The following PRKAR2B variants were observed in gnomAD, a reference collection of about 807,000 sequenced individuals.
PRKAR2B encodes protein kinase cAMP-dependent type II regulatory subunit beta.
Under a neutral mutation model 49.9 loss-of-function variants are expected in PRKAR2B, and 14 were observed. The observed-to-expected ratio is 0.28, with a 90% CI of 0.19 to 0.44. The LOEUF is 0.44. Ranked by LOEUF, PRKAR2B falls within the 20% of genes least tolerant of loss-of-function variation. The pLI, the probability that PRKAR2B is intolerant of heterozygous loss-of-function variation, is 1.00. For synonymous variants in PRKAR2B, 196 were observed against 197.7 expected (o/e 0.99, Z 0.07); for missense variants, 393 against 537.9 (o/e 0.73, Z 2.67).
At chr7:107,118,912 GTGAAAC>G (rs1480185716) in intron 2 of PRKAR2B, among the ~76,000 whole-genome samples, 2 of 152,142 alleles carry the variant, frequency 1.3e-5, no homozygotes, top group African/African-American at 4.8e-5. Flanking sequence ...TTCTAATGTA[GTGAAAC>G]AATTGCAACA....
chr7:107,146,994 T>C (rs919102291), intron 6 of PRKAR2B, among the ~76,000 whole-genome samples: 1 of 152,154 alleles, frequency 6.6e-6, no homozygotes, highest in African/African-American at 2.4e-5. Flanking sequence ...GATTGGTAAC[T>C]ACTCTGCATT....
At chr7:107,060,831 A>T (rs1275343331) in intron 1 of PRKAR2B, among the ~76,000 whole-genome samples, 2 of 152,096 alleles carry the variant, frequency 1.3e-5, no homozygotes, top group African/African-American at 4.8e-5. Flanking sequence ...TAAGGATTTC[A>T]TCACTAACCC....
At chr7:107,125,156 T>C (rs1795461701) in intron 3 of PRKAR2B, among the ~76,000 whole-genome samples, 1 of 152,196 alleles carries the variant, frequency 6.6e-6, no homozygotes, top group Admixed American at 6.5e-5. Context: ...CAGCTTTGCC[T>C]GCAGGTGTAG....
intron 2 of PRKAR2B, among the ~76,000 whole-genome samples, chr7:107,071,830 C>G (rs1460745013): frequency 6.6e-6 from 1 of 152,114 alleles, no homozygotes; most frequent in Non-Finnish European, 1.5e-5. Flanking sequence ...CTTTGGGAGG[C>G]TGAGGCGGGC....
intron 1 of PRKAR2B, among the ~76,000 whole-genome samples, chr7:107,069,278 A>G (rs1794216490): frequency 6.6e-6 from 1 of 152,218 alleles, no homozygotes; most frequent in African/African-American, 2.4e-5. Flanking sequence ...GGATTAATGC[A>G]CTACACATCT....
chr7:107,156,499 T>C (rs1349639837), intron 8 of PRKAR2B, among the ~76,000 whole-genome samples: 1 of 151,826 alleles, frequency 6.6e-6, no homozygotes, highest in African/African-American at 2.4e-5. Context: ...ACTACATAAT[T>C]GTCCATCAAA....
At position 107,160,845 on chromosome 7, in the gene PRKAR2B, G is replaced by A. The variant is rs1796186079; in HGVS notation, c.*1263G>A. 1 of 152,150 alleles carries A rather than the reference G, an allele frequency of 6.6e-6. No homozygotes were observed. Among genetic ancestry groups the A allele is most frequent in the Non-Finnish European group, 1.5e-5 (1 of 68,016 alleles). The allele number at this position is 152,150 out of a possible 1,614,324, so 9.4% of individuals were successfully genotyped here. A position where few individuals can be genotyped will look rare whatever the true frequency, so the allele number is the denominator to read the frequency against. On this transcript the variant is annotated 3_prime_UTR_variant, in exon 11 of 11. Coordinates refer to ENST00000265717, the MANE Select transcript of PRKAR2B (RefSeq NM_002736.3). ...TTTTCATTGTTCATTGATATGCTCA[G>A]TATGCTGCCACATAAGATGAATTTA... is the stretch of plus-strand genomic sequence containing the variant.
chr7:107,056,193 G>A (rs1489453865), intron 1 of PRKAR2B, among the ~76,000 whole-genome samples: 2 of 152,188 alleles, frequency 1.3e-5, no homozygotes, highest in South Asian at 2.1e-4. Context: ...TGTGGTACCA[G>A]TACCATGCTG....
At position 107,161,041 on chromosome 7, in the gene PRKAR2B, A is replaced by C. The variant is rs1441791299; in HGVS notation, c.*1459A>C. The C allele has an allele frequency of 6.6e-6, 1 of 152,230 alleles. No individual in the cohort carries two copies. Among genetic ancestry groups the C allele is most frequent in the Non-Finnish European group, 1.5e-5 (1 of 68,036 alleles). The allele number at this position is 152,230 out of a possible 1,614,324, so 9.4% of individuals were successfully genotyped here. A position where few individuals can be genotyped will look rare whatever the true frequency, so the allele number is the denominator to read the frequency against. On this transcript the variant is annotated 3_prime_UTR_variant, in exon 11 of 11. Transcript: ENST00000265717. The stretch of plus-strand genomic sequence containing the variant: ...GGGTAAAATTACTCTGTGCTAGTGT[A>C]GTCTTACTAGAGAATGTTTATGGTC...
At chr7:107,098,760 G>A (rs1794900679) in intron 2 of PRKAR2B, among the ~76,000 whole-genome samples, 1 of 152,202 alleles carries the variant, frequency 6.6e-6, no homozygotes, top group Non-Finnish European at 1.5e-5. Context: ...CTGCAGGTCT[G>A]TTGTAGTTTG....
chr7:107,087,911 A>G (rs898816420), intron 2 of PRKAR2B, among the ~76,000 whole-genome samples: 1 of 152,128 alleles, frequency 6.6e-6, no homozygotes, highest in Admixed American at 6.6e-5. Flanking sequence ...TTTAATTTAT[A>G]TATTTTAACT....
At chr7:107,060,145 A>G (rs753761908) in intron 1 of PRKAR2B, among the ~76,000 whole-genome samples, 18 of 152,090 alleles carry the variant, frequency 1.2e-4, no homozygotes, top group Admixed American at 4.6e-4. Flanking sequence ...AATTTATAAT[A>G]CAATAAATAT....
rs1323190942 is a variant in PRKAR2B at position 107,160,582 on chromosome 7, TTTC to T, written c.*1003_*1005del. 1 of 152,212 alleles carries T rather than the reference TTTC, an allele frequency of 6.6e-6. No homozygotes were observed. Among genetic ancestry groups the T allele is most frequent in the Non-Finnish European group, 1.5e-5 (1 of 68,022 alleles). 9.4% of individuals were successfully genotyped at this position (152,212 alleles called of 1,614,324 possible). A position where few individuals can be genotyped will look rare whatever the true frequency, so the allele number is the denominator to read the frequency against. On this transcript the variant is annotated 3_prime_UTR_variant, in exon 11 of 11. Transcript: ENST00000265717. ...CATCTGTTCCCTTGGGTTTCCGTTC[TTTC>T]TTAGGATGGTTGCCAACCCACAATC... is the stretch of plus-strand genomic sequence containing the variant.
chr7:107,072,772 C>A (rs1365723826), intron 2 of PRKAR2B, among the ~76,000 whole-genome samples: 2 of 151,568 alleles, frequency 1.3e-5, no homozygotes, highest in African/African-American at 4.9e-5. Flanking sequence ...AAAATGCAGT[C>A]AATTGTATTT....
intron 1 of PRKAR2B, among the ~76,000 whole-genome samples, chr7:107,058,734 A>C (rs750416337): frequency 6.6e-6 from 1 of 152,252 alleles, no homozygotes; most frequent in Non-Finnish European, 1.5e-5. Flanking sequence ...TTGTAAAAAG[A>C]ATATTTTATG....
chr7:107,094,272 A>G (rs1794793515), intron 2 of PRKAR2B, among the ~76,000 whole-genome samples: 1 of 152,138 alleles, frequency 6.6e-6, no homozygotes, highest in South Asian at 2.1e-4. Context: ...GTGATGATGA[A>G]CATTTTTTCA....
intron 2 of PRKAR2B, among the ~76,000 whole-genome samples, chr7:107,081,182 C>T (rs1220415108): frequency 6.6e-6 from 1 of 152,176 alleles, no homozygotes; most frequent in East Asian, 1.9e-4. Flanking sequence ...AACTCCCCTA[C>T]CCCAAATTTG....
At chr7:107,156,946 G>A in intron 8 of PRKAR2B, 38 bp from the exon 9 acceptor site, 1 of 1,530,494 alleles carries the variant, frequency 6.5e-7, no homozygotes, top group Non-Finnish European at 9.0e-7. Context: ...CAATTAATTT[G>A]CATTTTCACC....
chr7:107,082,743 G>A (rs1363991005), intron 2 of PRKAR2B, among the ~76,000 whole-genome samples: 1 of 152,030 alleles, frequency 6.6e-6, no homozygotes, highest in Non-Finnish European at 1.5e-5. Flanking sequence ...ACAGATGCGT[G>A]CCACCAAGCT....
Sources: allele counts gnomAD v4.1 joint callset (sites outside exome capture counted in the v4.1 genomes callset), GRCh38; gene constraint gnomAD v4.1.1; transcripts MANE v1.5; gene names NCBI Gene and HGNC (gene_info 2026-07-23, HGNC 2026-07-21).